Variants in ZDHHC7 observed in about 807,000 individuals in gnomAD.
ZDHHC7 encodes the protein palmitoyltransferase ZDHHC7.
A neutral mutation model predicts 34.1 loss-of-function variants in ZDHHC7; 12 were observed. That is an observed-to-expected ratio of 0.35 (90% CI 0.23 to 0.57). The LOEUF (loss-of-function observed/expected upper bound fraction) is 0.57, where lower values mean the gene tolerates loss of function less well. Among genes scored for constraint, ZDHHC7 ranks in the 20% least tolerant of loss-of-function variants. The pLI, the probability that ZDHHC7 is intolerant of heterozygous loss-of-function variation, is 0.84. For synonymous variants in ZDHHC7, 185 were observed against 155.4 expected (o/e 1.19, Z -1.42); for missense variants, 388 against 402.7 (o/e 0.96, Z 0.31).
chr16:85,014,644 G>T (rs572936887), upstream of ZDHHC7, among the ~76,000 whole-genome samples: 16 of 152,128 alleles, frequency 1.1e-4, no homozygotes, highest in Non-Finnish European at 2.9e-5. Context: ...AGTCTCCAGG[G>T]CTTAACTTAC....
In ZDHHC7 at chr16:85,004,759, T is replaced by C. The variant is rs533803783; in HGVS notation, c.-104+6527A>G. Among the ~76,000 whole-genome samples the C allele has an allele frequency of 5.7e-4, 86 of 151,936 alleles. 1 individual carries two copies. Among genetic ancestry groups the C allele is most frequent in the African/African-American group, 2.0e-3 (82 of 41,420 alleles). On this transcript the variant is annotated intron_variant, in intron 1 of 7. Transcript: ENST00000313732. The stretch of plus-strand genomic sequence containing the variant: ...GGTGCTTGAGGGAGACAAGAAAAAG[T>C]AGAAAGGAAGTCCACAGGCAAACGA...
intron 2 of ZDHHC7, among the ~76,000 whole-genome samples, chr16:84,994,704 G>A (rs762412842): frequency 6.6e-6 from 1 of 152,204 alleles, no homozygotes; most frequent in Admixed American, 6.5e-5. Flanking sequence ...ACCAAACACT[G>A]GCCATGGCAG....
chr16:85,006,842 C>CAGAAGCCAATGTGGGCCCCTAACCT, intron 1 of ZDHHC7, among the ~76,000 whole-genome samples: 2 of 150,910 alleles, frequency 1.3e-5, no homozygotes, highest in African/African-American at 5.0e-5. Context: ...CCAGGCTCAA[C>CAGAAGCCAATGTGGGCCCCTAACCT]ATTCCCCACT....
rs761583225 is a variant in ZDHHC7, at chr16:84,976,389, C to G, written c.881G>C (p.Arg294Pro). Residue 294 changes from arginine to proline, a missense_variant, in exon 8 of 8, where the codon CGA becomes CCA. Arg to Pro is a moderately radical substitution (Grantham distance 103). Transcript: ENST00000313732. Reference protein sequence around the residue: ...MNPFVGFRFRRLPTRPRKGGP... With the variant: ...MNPFVGFRFRPLPTRPRKGGP... ...ACCTTTTCTGGGTCTCGTGGGCAGT[C>G]GCCTAAATCGGAAGCCCACAAAGGG... 1 of 1,614,020 alleles carries G rather than the reference C, an allele frequency of 6.2e-7. No individual in the cohort carries two copies. The highest frequency in any genetic ancestry group is 1.3e-5 in the African/African-American group (1 of 74,924).
the ZDHHC7 span, among the ~76,000 whole-genome samples, chr16:85,023,811 G>A: frequency 2.2e-4 from 33 of 151,876 alleles, no homozygotes; most frequent in East Asian, 6.2e-3. Flanking sequence ...GTAGAGACGG[G>A]GTTTCACCAT....
chr16:84,983,894 C>T (rs994931661), intron 3 of ZDHHC7, among the ~76,000 whole-genome samples: 9 of 149,204 alleles, frequency 6.0e-5, no homozygotes, highest in Admixed American at 1.3e-4. Flanking sequence ...CCCAGCTACT[C>T]GGGAGGGTGA....
intron 2 of ZDHHC7, among the ~76,000 whole-genome samples, chr16:84,992,611 A>G (rs992612529): frequency 1.3e-5 from 2 of 152,226 alleles, no homozygotes; most frequent in Non-Finnish European, 2.9e-5. Flanking sequence ...AGAGACAGTC[A>G]ATTTCACCTA....
Position 84,976,509 on chromosome 16 carries a change from C to T in ZDHHC7, c.761G>A (p.Arg254Gln), listed in dbSNP as rs201546809. The T allele has an allele frequency of 5.6e-6, 9 of 1,613,464 alleles. No homozygotes were observed. The highest frequency in any genetic ancestry group is 7.6e-6 in the Non-Finnish European group (9 of 1,179,960). Reference protein sequence around the residue: ...SICNDETEIERLKSEKPTWER... With the variant: ...SICNDETEIEQLKSEKPTWER... ...CCATGTGGGCTTCTCACTTTTCAAT[C>T]GCTCGATCTCCTGGAAGCAGAAAGA... The change falls in exon 8 of 8, where the codon CGA becomes CAA. Residue 254 changes from arginine to glutamine, a missense_variant. By Grantham distance (43) the Arg-to-Gln change is conservative. Transcript: ENST00000313732.
At chr16:85,021,812 G>A in the ZDHHC7 span, among the ~76,000 whole-genome samples, 4 of 151,696 alleles carry the variant, frequency 2.6e-5, no homozygotes, top group East Asian at 1.9e-4. Context: ...GGAGGAGGAG[G>A]AGAGGAGAAA....
chr16:84,996,462 G>T (rs1466039417), intron 1 of ZDHHC7, among the ~76,000 whole-genome samples: 1 of 152,118 alleles, frequency 6.6e-6, no homozygotes, highest in Non-Finnish European at 1.5e-5. Flanking sequence ...GGTGAAGGAA[G>T]ACAGTGGAAC....
chr16:84,995,629 A>G (rs926101945), intron 2 of ZDHHC7, among the ~76,000 whole-genome samples: 2 of 149,958 alleles, frequency 1.3e-5, no homozygotes, highest in Non-Finnish European at 3.0e-5. Context: ...CCATCTCAAA[A>G]AAAACAGACA....
rs77989405 is a variant in ZDHHC7 at position 84,986,070 on chromosome 16, T to C, written c.316-4076A>G. Among the ~76,000 whole-genome samples the C allele has an allele frequency of 6.5e-3, 993 of 152,214 alleles. 6 individuals carry two copies. The highest frequency in any genetic ancestry group is 0.016 in the African/African-American group (668 of 41,530). The stretch of plus-strand genomic sequence containing the variant: ...GCTACCGGTATTGAGGTTATGTTTT[T>C]ACAAAGAGCCCTTTTAAAAGATACA... On this transcript the variant is annotated intron_variant, in intron 3 of 7. Transcript: ENST00000313732.
At chr16:85,003,130 C>G (rs2072674226) in intron 1 of ZDHHC7, among the ~76,000 whole-genome samples, 1 of 152,124 alleles carries the variant, frequency 6.6e-6, no homozygotes, top group South Asian at 2.1e-4. Context: ...AGAGGCCAAC[C>G]TCAGAGTCCA....
At chr16:85,013,136 TTAAG>T (rs1260375509), upstream of ZDHHC7, among the ~76,000 whole-genome samples, 21 of 152,278 alleles carry the variant, frequency 1.4e-4, no homozygotes, top group African/African-American at 4.8e-4. Context: ...CCTTACTCTA[TTAAG>T]TTTCTTCCCA....
At chr16:85,000,382 G>C (rs919006224) in intron 1 of ZDHHC7, among the ~76,000 whole-genome samples, 1 of 152,282 alleles carries the variant, frequency 6.6e-6, no homozygotes, top group African/African-American at 2.4e-5. Context: ...AGTGTCTTAA[G>C]CTCTTCGCCT....
At chr16:85,020,113 A>G in the ZDHHC7 span, among the ~76,000 whole-genome samples, 3 of 152,150 alleles carry the variant, frequency 2.0e-5, no homozygotes, top group African/African-American at 4.8e-5. Context: ...AGAGCCCACA[A>G]TCCTAGCTCT....
chr16:84,991,254 ACT>A (rs2072505823), intron 2 of ZDHHC7, among the ~76,000 whole-genome samples: 1 of 151,774 alleles, frequency 6.6e-6, no homozygotes, highest in South Asian at 2.1e-4. Context: ...GTTCCTTGAC[ACT>A]CTACCCTGCT....
intron 4 of ZDHHC7, 152 bp from the exon 5 acceptor site, chr16:84,979,437 G>C (rs945187190): frequency 9.9e-6 from 12 of 1,216,964 alleles, no homozygotes; most frequent in Non-Finnish European, 1.2e-5. Flanking sequence ...ATTCCTTTAA[G>C]GTTTATCATT....
chr16:85,026,630 G>A, the ZDHHC7 span, among the ~76,000 whole-genome samples: 2 of 150,988 alleles, frequency 1.3e-5, no homozygotes, highest in Non-Finnish European at 2.9e-5. Context: ...GTGTGGGACA[G>A]GTACTTGATC....
Sources: gnomAD v4.1 joint callset for allele counts (sites outside exome capture counted in the v4.1 genomes callset) on GRCh38, gnomAD v4.1.1 for gene constraint, MANE v1.5 for transcripts, NCBI Gene and HGNC (gene_info 2026-07-23, HGNC 2026-07-21) for gene names.